Variants in ZNF541 observed in about 807,000 individuals in gnomAD.
ZNF541 encodes zinc finger protein 541.
A neutral mutation model predicts 123.5 loss-of-function variants in ZNF541; 23 were observed. That is an observed-to-expected ratio of 0.19 (90% confidence interval 0.13 to 0.26). ZNF541 has a LOEUF of 0.26. Ranked by LOEUF, ZNF541 falls within the 10% of genes least tolerant of loss-of-function variation. ZNF541 has a pLI of 1.00. For synonymous variants in ZNF541, 751 were observed against 754.5 expected (o/e 1.00, Z 0.08); for missense variants, 1,612 against 1,789.9 (o/e 0.90, Z 1.79).
At position 47,528,974 on chromosome 19, in the gene ZNF541, C is replaced by T; in HGVS notation, c.3546G>A (p.Lys1182=). 1 of 1,551,560 alleles carries T rather than the reference C, an allele frequency of 6.4e-7. No homozygotes were observed. Among genetic ancestry groups the T allele is most frequent in the East Asian group, 2.4e-5 (1 of 40,900 alleles). Residue 1182 remains lysine (K), a synonymous_variant, in exon 14 of 17, where the codon AAG becomes AAA. Coordinates refer to ENST00000391901, the MANE Select transcript of ZNF541 (RefSeq NM_001277075.3). ...LFKKAFYAHK[K]DFYLIHKMIQ... ...CCATCTTGTGTATCAAGTAGAAGTC[C>T]TTCTTGTGGGCATAGAACGCCTTCT...
chr19:47,568,922 G>A (rs1400042493), intron 2 of ZNF541, among the ~76,000 whole-genome samples: 5 of 152,010 alleles, frequency 3.3e-5, no homozygotes, highest in African/African-American at 7.3e-5. Context: ...CACCCACCTC[G>A]GCCTCTCAAA....
In ZNF541 at chr19:47,545,508, G is replaced by A. The variant is rs1323926248; in HGVS notation, c.1021C>T (p.Pro341Ser). ...ACGTCAGTGGCCGGCTCTTTCTGTG[G>A]GAGGCAAGGCTCCTCGGGAAGCTCG... ...DTELPEEPCLPQKEPATDVFT... is the reference protein window; with the variant it reads ...DTELPEEPCLSQKEPATDVFT... The change falls in exon 5 of 17, where the codon CCA (proline) becomes TCA (serine). Residue 341 changes from proline to serine, a missense_variant. Physicochemically the swap from Pro to Ser is moderately conservative, Grantham distance 74. This residue lies in a region of ZNF541 where 1,080 missense variants were observed against 1,013.8 expected (regional missense o/e 1.07). Transcript: ENST00000391901. This position sits in a 1 kb window ranked among gnomAD's most constrained non-coding sequence, Gnocchi z 7.5. 2.0e-6 allele frequency: 3 copies of A among 1,501,096 alleles called. No individual in the cohort carries two copies. In the East Asian group the frequency reaches 7.4e-5, roughly 37 times the overall value. The allele number at this position is 1,501,096 out of a possible 1,614,324, so 93.0% of individuals were successfully genotyped here. A position where few individuals can be genotyped will look rare whatever the true frequency, so the allele number is the denominator to read the frequency against.
intron 2 of ZNF541, among the ~76,000 whole-genome samples, chr19:47,560,139 C>T (rs567739246): frequency 9.9e-5 from 15 of 152,230 alleles, no homozygotes; most frequent in African/African-American, 3.4e-4. Flanking sequence ...TGGCTACAGA[C>T]AGGGCGTTTG....
intron 10 of ZNF541, 69 bp from the exon 11 acceptor site, chr19:47,532,339 C>G: frequency 6.6e-7 from 1 of 1,515,586 alleles, no homozygotes; most frequent in Non-Finnish European, 8.9e-7. Context: ...GAAATGGAGA[C>G]GCTCTGTATG....
chr19:47,521,165 G>GA lies in ZNF541; in HGVS notation c.*58dup. 6.6e-7 allele frequency: 1 copy of GA among 1,523,346 alleles called. No homozygotes were observed. The highest frequency in any genetic ancestry group is 2.5e-5 in the East Asian group (1 of 40,492). 94.4% of individuals were successfully genotyped at this position (1,523,346 alleles called of 1,614,324 possible). A position where few individuals can be genotyped will look rare whatever the true frequency, so the allele number is the denominator to read the frequency against. Reference sequence around the variant, plus strand: ...AGAGGGGTGCCCCAAACGCCCTGGAGAGGCCGAAGGGAGGAGGGGCAGCAC... The same window carrying GA: ...AGAGGGGTGCCCCAAACGCCCTGGAGAAGGCCGAAGGGAGGAGGGGCAGCAC... On this transcript the variant is annotated 3_prime_UTR_variant, in exon 17 of 17. Coordinates refer to ENST00000391901, the MANE Select transcript of ZNF541 (RefSeq NM_001277075.3). The surrounding 1 kb of genome is among the most constrained non-coding windows in gnomAD (Gnocchi z 4.2).
chr19:47,545,284 C>A lies in ZNF541; in HGVS notation c.1245G>T (p.Trp415Cys). ...TGGGACAGCCCGGCAGGTTCCGGAG[C>A]CACTGGAAGCTGTGGCTCGATGGCT... is the stretch of plus-strand genomic sequence containing the variant. ...SSQPSSHSFQ[W>C]LRNLPGCPKS... is the part of the protein sequence containing the mutation. The change falls in exon 5 of 17, where the codon TGG (tryptophan) becomes TGT (cysteine). Residue 415 changes from tryptophan (W) to cysteine (C), a missense_variant. Around this residue, in one of 5 missense-constraint regions of ZNF541, gnomAD observed 1,080 missense variants for 1,013.8 expected, o/e 1.07. Coordinates refer to ENST00000391901, the MANE Select transcript of ZNF541 (RefSeq NM_001277075.3). The surrounding 1 kb of genome is among the most constrained non-coding windows in gnomAD (Gnocchi z 7.5). The A allele has an allele frequency of 6.5e-7, 1 of 1,549,672 alleles. No individual in the cohort carries two copies. The highest frequency in any genetic ancestry group is 8.7e-7 in the Non-Finnish European group (1 of 1,146,768).
intron 4 of ZNF541, 141 bp from the exon 5 acceptor site, chr19:47,546,121 C>T (rs1304544051): frequency 1.5e-6 from 1 of 670,734 alleles, no homozygotes; most frequent in Non-Finnish European, 2.2e-6. Context: ...GAGGAAAGAC[C>T]ACCCAGCAAA....
chr19:47,547,272 A>C (rs1457851957), intron 4 of ZNF541, among the ~76,000 whole-genome samples: 1 of 152,134 alleles, frequency 6.6e-6, no homozygotes, highest in African/African-American at 2.4e-5. Flanking sequence ...CCCCACAGCA[A>C]AGAAGCCAAT....
In ZNF541 at chr19:47,545,945, G is replaced by A; in HGVS notation, c.584C>T (p.Pro195Leu). 1 of 1,506,042 alleles carries A rather than the reference G, an allele frequency of 6.6e-7. No homozygotes were observed. The highest frequency in any genetic ancestry group is 8.9e-7 in the Non-Finnish European group (1 of 1,121,110). The allele number at this position is 1,506,042 out of a possible 1,614,324, so 93.3% of individuals were successfully genotyped here. ...GHMLTHQKTK[P>L]FVCIEQGCSK... ...GCAGCCCTGCTCGATGCACACGAAG[G>A]GCTTTGTCTTCTGGTGGGTGAGCAT... The change falls in exon 5 of 17, where the codon CCC becomes CTC. Residue 195 changes from proline to leucine, a missense_variant. Pro to Leu is a moderately conservative substitution (Grantham distance 98). Transcript: ENST00000391901. This position sits in a 1 kb window ranked among gnomAD's most constrained non-coding sequence, Gnocchi z 7.5.
intron 2 of ZNF541, among the ~76,000 whole-genome samples, chr19:47,562,380 C>T (rs577608500): frequency 1.7e-3 from 259 of 152,054 alleles, no homozygotes; most frequent in Non-Finnish European, 2.8e-3. Flanking sequence ...GCCATCTCTA[C>T]TAAAAATACA....
intron 14 of ZNF541, among the ~76,000 whole-genome samples, chr19:47,525,426 G>T (rs1339126557): frequency 3.9e-5 from 6 of 151,966 alleles, no homozygotes; most frequent in Non-Finnish European, 4.4e-5. Flanking sequence ...AGTTCATATG[G>T]TAATACATGA....
intron 12 of ZNF541, among the ~76,000 whole-genome samples, chr19:47,529,895 G>A (rs1274430974): frequency 6.6e-6 from 1 of 152,220 alleles, no homozygotes; most frequent in Non-Finnish European, 1.5e-5. Flanking sequence ...CTATCCTGAC[G>A]AAGGAGACTG....
At chr19:47,530,842 G>T (rs541311759) in intron 12 of ZNF541, among the ~76,000 whole-genome samples, 4 of 151,514 alleles carry the variant, frequency 2.6e-5, no homozygotes, top group Non-Finnish European at 4.4e-5. Flanking sequence ...GTAGAGATGG[G>T]GTTTTACCAT....
intron 5 of ZNF541, among the ~76,000 whole-genome samples, chr19:47,542,783 T>C (rs529750937): frequency 6.6e-6 from 1 of 152,028 alleles, no homozygotes; most frequent in African/African-American, 2.4e-5. Context: ...TCGTCTCTAC[T>C]AAACACACAA....
intron 5 of ZNF541, among the ~76,000 whole-genome samples, chr19:47,543,441 G>A (rs576330140): frequency 1.1e-4 from 17 of 152,120 alleles, no homozygotes; most frequent in Non-Finnish European, 1.6e-4. Context: ...GCCCACTTGT[G>A]CTTGTGGAAA....
intron 2 of ZNF541, among the ~76,000 whole-genome samples, chr19:47,564,012 C>A (rs1971167929): frequency 1.3e-5 from 2 of 152,158 alleles, no homozygotes; most frequent in South Asian, 4.1e-4. Flanking sequence ...TATTACTTCC[C>A]TTTTACAAAT....
chr19:47,553,512 G>A (rs938800202), intron 3 of ZNF541, among the ~76,000 whole-genome samples: 1 of 147,068 alleles, frequency 6.8e-6, no homozygotes, highest in Admixed American at 6.8e-5. Flanking sequence ...TGGTTCAAGC[G>A]ATTTTCCTGC....
rs1460302179 is a variant in ZNF541, at chr19:47,545,758, C to T, written c.771G>A (p.Leu257=). Residue 257 remains leucine (L), a synonymous_variant, in exon 5 of 17, where the codon CTG becomes CTA. Coordinates refer to ENST00000391901, the MANE Select transcript of ZNF541 (RefSeq NM_001277075.3). This position sits in a 1 kb window ranked among gnomAD's most constrained non-coding sequence, Gnocchi z 7.5. ...GQPPPSSLRS[L]VPPEARSPGS... is the part of the protein sequence containing the mutation. ...CGGGGGACCTGGCCTCTGGGGGCACCAGGGACCGCAGGCTGCTGGGGGGCG... is the reference window on the plus strand; with the variant it reads ...CGGGGGACCTGGCCTCTGGGGGCACTAGGGACCGCAGGCTGCTGGGGGGCG... The T allele has an allele frequency of 1.3e-6, 2 of 1,541,874 alleles. No homozygotes were observed. The highest frequency in any genetic ancestry group is 2.0e-5 in the Admixed American group (1 of 50,810).
At chr19:47,554,819 T>C (rs1339171195) in intron 3 of ZNF541, among the ~76,000 whole-genome samples, 1 of 152,062 alleles carries the variant, frequency 6.6e-6, no homozygotes, top group African/African-American at 2.4e-5. Context: ...GGGGGCCGAG[T>C]GTGGTGGCTC....
Sources: gnomAD v4.1 joint callset for allele counts (sites outside exome capture counted in the v4.1 genomes callset) on GRCh38, gnomAD v4.1.1 for gene constraint, gnomAD v4.1.1 regional missense constraint, Gnocchi (gnomAD v3.1) non-coding constraint, MANE v1.5 for transcripts, NCBI Gene and HGNC (gene_info 2026-07-23, HGNC 2026-07-21) for gene names.